Variants in CSF1R observed in about 807,000 individuals in gnomAD.
CSF1R encodes the protein colony stimulating factor 1 receptor.
Under a neutral mutation model 110.0 loss-of-function variants are expected in CSF1R, and 40 were observed. That is an observed-to-expected ratio of 0.36 (90% CI 0.28 to 0.47). The LOEUF (loss-of-function observed/expected upper bound fraction) is 0.47. CSF1R is among the 20% of genes least tolerant of loss of function. The pLI, the probability that CSF1R is intolerant of heterozygous loss-of-function variation, is 0.99. For missense variants in CSF1R, 1,052 were observed against 1,253.0 expected, an observed-to-expected ratio of 0.84 and a Z score of 2.42; for synonymous variants, 523 against 503.4, an observed-to-expected ratio of 1.04 and a Z score of -0.52.
At chr5:150,054,481 G>T (rs1402949676) in intron 19 of CSF1R, 51 bp from the exon 20 acceptor site, 2 of 1,494,276 alleles carry the variant, frequency 1.3e-6, no homozygotes, top group African/African-American at 1.4e-5. Context: ...GGGTCCAGGG[G>T]CCATTAACAC....
intron 1 of CSF1R, among the ~76,000 whole-genome samples, chr5:150,109,058 G>GCCCCCCCCCCCCCC (rs60014782): frequency 1.9e-4 from 23 of 119,788 alleles, no homozygotes; most frequent in African/African-American, 2.9e-4. Context: ...GGAGAAGCCC[G>GCCCCCCCCCCCCCC]CCCCCCCCCC....
At chr5:150,084,310 A>G (rs10043508) in intron 1 of CSF1R, among the ~76,000 whole-genome samples, 89,375 of 141,406 alleles carry the variant, frequency 0.63, 28,937 homozygotes, top group African/African-American at 0.78. Flanking sequence ...CAGCCTGGGC[A>G]ACAGAGCAAG....
rs548062433 is a variant in CSF1R at position 150,053,743 on chromosome 5, A to G, written c.*326T>C. 20 of 438,704 alleles carry G rather than the reference A, an allele frequency of 4.6e-5. No individual in the cohort carries two copies. The highest frequency in any genetic ancestry group is 7.9e-5 in the African/African-American group (4 of 50,786). The allele number at this position is 438,704 out of a possible 1,614,324, so 27.2% of individuals were successfully genotyped here. ...CTGGGGACTTCATAGGCATAAAGTC[A>G]GTCCATTTCCATGAAGATAAGGGGA... On this transcript the variant is annotated 3_prime_UTR_variant, in exon 21 of 21. Transcript: ENST00000675795.
At chr5:150,097,219 T>C (rs1239266109) in intron 1 of CSF1R, among the ~76,000 whole-genome samples, 3 of 151,080 alleles carry the variant, frequency 2.0e-5, no homozygotes, top group Non-Finnish European at 4.4e-5. Context: ...GCCACTGCAC[T>C]CTAGCCTGGG....
rs1758504424 is a variant in CSF1R at position 150,080,820 on chromosome 5, G to A, written c.254C>T (p.Thr85Ile). 6 of 1,614,074 alleles carry A rather than the reference G, an allele frequency of 3.7e-6. 1 individual carries two copies. Among genetic ancestry groups the A allele is most frequent in the African/African-American group, 2.7e-5 (2 of 74,914 alleles). The change falls in exon 2 of 21, where the codon ACT (threonine) becomes ATT (isoleucine). Residue 85 changes from threonine to isoleucine, a missense_variant. By Grantham distance (89) the Thr-to-Ile change is moderately conservative. Transcript: ENST00000675795. The part of the protein sequence containing the change: ...TFQNTGTYRC[T>I]EPGDPLGGSA... ...GCCTCCCAGGGGGTCTCCAGGCTCA[G>A]TGCAGCGATAGGTCCCCGTGTTTTG...
chr5:150,099,247 A>C (rs569575886), intron 1 of CSF1R, among the ~76,000 whole-genome samples: 1 of 152,190 alleles, frequency 6.6e-6, no homozygotes, highest in Non-Finnish European at 1.5e-5. Context: ...ATGTATTGGT[A>C]GTCAGGATGC....
Position 150,056,353 on chromosome 5 carries a change from C to T in CSF1R, c.2320-12G>A, listed in dbSNP as rs770884458. 1.2e-6 allele frequency: 2 copies of T among 1,614,016 alleles called. No individual in the cohort carries two copies. The highest frequency in any genetic ancestry group is 8.5e-7 in the Non-Finnish European group (1 of 1,179,960). On this transcript the variant is annotated splice_polypyrimidine_tract_variant and intron_variant, in intron 16 of 20. Coordinates refer to ENST00000675795, the MANE Select transcript of CSF1R (RefSeq NM_001288705.3). ...TCCCGGTGGATGCACTGAGGGAAAG[C>T]ACTGCAGGGTTAGTCTTGGGCCTTC... is the stretch of plus-strand genomic sequence containing the variant.
At position 150,053,602 on chromosome 5, in the gene CSF1R, G is replaced by GCT. The variant is rs1757028664; in HGVS notation, c.*466_*467insAG. 1 of 264,830 alleles carries GCT rather than the reference G, an allele frequency of 3.8e-6. No homozygotes were observed. Among genetic ancestry groups the GCT allele is most frequent in the Admixed American group, 4.9e-5 (1 of 20,476 alleles). The allele number at this position is 264,830 out of a possible 1,614,324, so 16.4% of individuals were successfully genotyped here. A position where few individuals can be genotyped will look rare whatever the true frequency, so the allele number is the denominator to read the frequency against. ...TAGAGGAGCCATCCTGCTCCAAGGG[G>GCT]CCTGAGCTGAGTGTGGTCTGTGAGC... On this transcript the variant is annotated 3_prime_UTR_variant, in exon 21 of 21. Transcript: ENST00000675795.
rs2113833428 is a variant in CSF1R, at chr5:150,080,918, G to A, written c.156C>T (p.Gly52=). 2 of 1,614,160 alleles carry A rather than the reference G, an allele frequency of 1.2e-6. No individual in the cohort carries two copies. The highest frequency in any genetic ancestry group is 1.7e-6 in the Non-Finnish European group (2 of 1,180,018). Reference sequence around the variant, plus strand: ...ACAGGGTCCAGTGAGGTGATGGGGGGCCATCCCATTCCACGCTGCCATTGC... The same window carrying A: ...ACAGGGTCCAGTGAGGTGATGGGGGACCATCCCATTCCACGCTGCCATTGC... ...CVGNGSVEWD[G]PPSPHWTLYS... Residue 52 remains glycine (G), a synonymous_variant, in exon 2 of 21, where the codon GGC becomes GGT. Coordinates refer to ENST00000675795, the MANE Select transcript of CSF1R (RefSeq NM_001288705.3).
At position 150,069,927 on chromosome 5, in the gene CSF1R, T is replaced by C. The variant is rs773304095; in HGVS notation, c.1456A>G (p.Arg486Gly). 1.2e-6 allele frequency: 2 copies of C among 1,614,044 alleles called. No individual in the cohort carries two copies. Among genetic ancestry groups the C allele is most frequent in the Admixed American group, 1.7e-5 (1 of 60,022 alleles). The change falls in exon 9 of 21, where the codon AGG (arginine) becomes GGG (glycine). Residue 486 changes from arginine (R) to glycine (G), a missense_variant. Physicochemically the swap from Arg to Gly is moderately radical, Grantham distance 125. Around this residue, in one of 5 missense-constraint regions of CSF1R, gnomAD observed 693 missense variants for 735.4 expected, o/e 0.94. Coordinates refer to ENST00000675795, the MANE Select transcript of CSF1R (RefSeq NM_001288705.3). ...CCACTCCCCACGCTGTTGTGGGCCC[T>C]GCACTCGTAGGTTTGGTTGTGCTCT... ...TLEHNQTYECRAHNSVGSGSW... is the reference protein window; with the variant it reads ...TLEHNQTYECGAHNSVGSGSW...
At position 150,073,290 on chromosome 5, in the gene CSF1R, A is replaced by G. The variant is rs751340750; in HGVS notation, c.1082+11T>C. 5 of 1,608,696 alleles carry G rather than the reference A, an allele frequency of 3.1e-6. No homozygotes were observed. The South Asian group carries it at 4.4e-5, about 14-fold the overall frequency. On this transcript the variant is annotated intron_variant, in intron 6 of 20. Coordinates refer to ENST00000675795, the MANE Select transcript of CSF1R (RefSeq NM_001288705.3). ...TGTCGGGCTGTGTAGACGGGAGCTG[A>G]TAAGTGGTACCTGTATGTGTCCTTG...
upstream of CSF1R, among the ~76,000 whole-genome samples, chr5:150,090,001 A>G (rs996853015): frequency 4.6e-5 from 7 of 152,178 alleles, no homozygotes; most frequent in African/African-American, 1.7e-4. Flanking sequence ...TTGAATCCTT[A>G]TTTTACATCA....
At chr5:150,102,977 T>C (rs1759449506) in intron 1 of CSF1R, among the ~76,000 whole-genome samples, 1 of 152,252 alleles carries the variant, frequency 6.6e-6, no homozygotes, top group South Asian at 2.1e-4. Flanking sequence ...TTAGGAAGGC[T>C]GAGCCATTTA....
At chr5:150,059,573 A>G (rs1757406933) in intron 14 of CSF1R, 127 bp downstream of exon 14, 2 of 1,088,050 alleles carry the variant, frequency 1.8e-6, no homozygotes, top group Middle Eastern at 2.4e-4. Context: ...TTCCCATGAC[A>G]CAGGTGGCAG....
intron 1 of CSF1R, chr5:150,094,234 A>G: frequency 2.2e-6 from 2 of 912,402 alleles, no homozygotes; most frequent in Non-Finnish European, 3.3e-6. Context: ...TTTTACAAGA[A>G]GACATAACAA....
intron 6 of CSF1R, among the ~76,000 whole-genome samples, 189 bp from the exon 7 acceptor site, chr5:150,070,760 T>G (rs1254060436): frequency 2.0e-5 from 3 of 152,186 alleles, no homozygotes; most frequent in Non-Finnish European, 4.4e-5. Flanking sequence ...CCAATCCCAT[T>G]TCCTTAGTTG....
intron 6 of CSF1R, among the ~76,000 whole-genome samples, chr5:150,073,022 T>A (rs1758093030): frequency 6.6e-6 from 1 of 152,114 alleles, no homozygotes; most frequent in Non-Finnish European, 1.5e-5. Flanking sequence ...GAGGGACCAA[T>A]GAGAATGCAC....
chr5:150,083,090 G>A (rs531389573), intron 1 of CSF1R, among the ~76,000 whole-genome samples: 22 of 152,066 alleles, frequency 1.4e-4, no homozygotes, highest in African/African-American at 4.6e-4. Context: ...GCTGATACCC[G>A]CAACTTCCGC....
chr5:150,095,451 T>A (rs1759192734), intron 1 of CSF1R, among the ~76,000 whole-genome samples: 2 of 152,040 alleles, frequency 1.3e-5, no homozygotes, highest in South Asian at 2.1e-4. Flanking sequence ...GAATCAAACT[T>A]GAAATTATTA....
Sources: gnomAD v4.1 joint callset for allele counts (sites outside exome capture counted in the v4.1 genomes callset) on GRCh38, gnomAD v4.1.1 for gene constraint, gnomAD v4.1.1 regional missense constraint, MANE v1.5 for transcripts, NCBI Gene and HGNC (gene_info 2026-07-23, HGNC 2026-07-21) for gene names.